Variants in ZSCAN5A observed in about 807,000 individuals in gnomAD.
ZSCAN5A encodes zinc finger and SCAN domain containing 5A.
A neutral mutation model predicts 23.7 loss-of-function variants in ZSCAN5A; 12 were observed. That is an observed-to-expected ratio of 0.51 (90% confidence interval 0.32 to 0.82). The LOEUF is 0.82. ZSCAN5A is among the 40% of genes least tolerant of loss of function. The probability of loss-of-function intolerance (pLI) is 0.03; values close to 1 mark genes in which losing one functional copy is unlikely to be tolerated. For synonymous variants in ZSCAN5A, 257 were observed against 239.9 expected (o/e 1.07, Z -0.66); for missense variants, 597 against 617.9 (o/e 0.97, Z 0.36).
chr19:56,342,228 AAC>A (rs1213592179), intron 2 of ZSCAN5A, among the ~76,000 whole-genome samples: 1 of 152,032 alleles, frequency 6.6e-6, no homozygotes. Flanking sequence ...TTTCTTAAAC[AAC>A]TAGTCATTTT....
At chr19:56,271,057 A>T (rs2037812087) in intron 2 of ZSCAN5A, among the ~76,000 whole-genome samples, 1 of 152,262 alleles carries the variant, frequency 6.6e-6, no homozygotes, top group Admixed American at 6.5e-5. Flanking sequence ...CCCTAGTGTT[A>T]TGAGTTAGGG....
chr19:56,292,694 A>C (rs1398193831), intron 2 of ZSCAN5A, among the ~76,000 whole-genome samples: 1 of 152,090 alleles, frequency 6.6e-6, no homozygotes, highest in Non-Finnish European at 1.5e-5. Context: ...ACCAAAAAAA[A>C]AGTACCCATT....
At chr19:56,313,247 T>G (rs1326069074) in intron 2 of ZSCAN5A, 36 bp downstream of exon 2, 1 of 350,092 alleles carries the variant, frequency 2.9e-6, no homozygotes, top group African/African-American at 2.2e-5. Context: ...TATCCAAGAC[T>G]GGGCAATTTA....
chr19:56,264,371 G>C (rs1454850296), intron 2 of ZSCAN5A, among the ~76,000 whole-genome samples: 1 of 152,160 alleles, frequency 6.6e-6, no homozygotes, highest in Non-Finnish European at 1.5e-5. Flanking sequence ...TGACTCTCAA[G>C]CTCATGCTCA....
At chr19:56,349,845 C>T (rs968869765) in intron 2 of ZSCAN5A, among the ~76,000 whole-genome samples, 2 of 151,976 alleles carry the variant, frequency 1.3e-5, no homozygotes, top group South Asian at 4.1e-4. Context: ...CTAAACTTTC[C>T]TCTCAAAGTT....
At chr19:56,290,672 A>C (rs2039449600) in intron 2 of ZSCAN5A, among the ~76,000 whole-genome samples, 1 of 152,212 alleles carries the variant, frequency 6.6e-6, no homozygotes, top group Non-Finnish European at 1.5e-5. Context: ...CAGCCTGGGC[A>C]ACATAGGAAG....
In ZSCAN5A at chr19:56,221,699, T is replaced by C. The variant is rs2033189516; in HGVS notation, c.1367A>G (p.Lys456Arg). 1 of 1,614,124 alleles carries C rather than the reference T, an allele frequency of 6.2e-7. No homozygotes were observed. Among genetic ancestry groups the C allele is most frequent in the Non-Finnish European group, 8.5e-7 (1 of 1,180,056 alleles). ...KKVFTYRGSL[K>R]EHQRIHSGEK... ...TCCGGAGTGGATGCGCTGGTGCTCC[T>C]TCAGGCTCCCCCTGTAGGTGAAAAC... Residue 456 changes from lysine to arginine, a missense_variant, in exon 6 of 6, where the codon AAG becomes AGG. Physicochemically the swap from Lys to Arg is conservative, Grantham distance 26 (BLOSUM62 2). Around this residue, in one of 5 missense-constraint regions of ZSCAN5A, gnomAD observed 87 missense variants for 74.4 expected, o/e 1.17. Transcript: ENST00000683990.
chr19:56,311,200 T>C (rs1394491235), intron 2 of ZSCAN5A, among the ~76,000 whole-genome samples: 2 of 152,094 alleles, frequency 1.3e-5, no homozygotes, highest in Non-Finnish European at 2.9e-5. Context: ...AGCAAAATCC[T>C]CACTGCATTA....
At chr19:56,271,467 T>A (rs1035522088) in intron 2 of ZSCAN5A, among the ~76,000 whole-genome samples, 2 of 152,244 alleles carry the variant, frequency 1.3e-5, no homozygotes, top group African/African-American at 4.8e-5. Context: ...CTGCTCATTA[T>A]AACAAATCCT....
intron 2 of ZSCAN5A, among the ~76,000 whole-genome samples, chr19:56,272,145 G>A (rs1260488038): frequency 1.3e-5 from 2 of 152,168 alleles, no homozygotes; most frequent in Admixed American, 6.5e-5. Context: ...AAGTATAAAC[G>A]TAGACATCTT....
In ZSCAN5A at chr19:56,223,708, G is replaced by T. The variant is rs762366673; in HGVS notation, c.511C>A (p.Gln171Lys). 3.2e-5 allele frequency: 52 copies of T among 1,613,810 alleles called. No homozygotes were observed. Among genetic ancestry groups the T allele is most frequent in the Non-Finnish European group, 4.2e-5 (50 of 1,179,990 alleles). Residue 171 changes from glutamine to lysine, a missense_variant, in exon 4 of 6, where the codon CAG becomes AAG. Physicochemically the swap from Gln to Lys is moderately conservative, Grantham distance 53 (BLOSUM62 1). Around this residue, in one of 5 missense-constraint regions of ZSCAN5A, gnomAD observed 406 missense variants for 353.2 expected, o/e 1.15. Transcript: ENST00000683990. Reference sequence around the variant, plus strand: ...GCCTGGCCTTCCCCTGGACGCATCTGGTTCACCGAGGAGGCCCGTTGGCTG... The same window carrying T: ...GCCTGGCCTTCCCCTGGACGCATCTTGTTCACCGAGGAGGCCCGTTGGCTG... ...VSSQRASSVN[Q>K]MRPGEGQAHR... is the part of the protein sequence containing the mutation.
rs2033635621 is a variant in ZSCAN5A, at chr19:56,224,082, C to T, written c.385-248G>A. On this transcript the variant is annotated intron_variant, in intron 3 of 5. Transcript: ENST00000683990. ...ACATGGGTCCTTTAGATGAAATAGT[C>T]TCTAAACCAAAGAGAAGACAAGGAG... Among the ~76,000 whole-genome samples the T allele has an allele frequency of 4.0e-5, 6 of 151,758 alleles. 1 individual carries two copies. The South Asian group carries it at 1.2e-3, about 31-fold the overall frequency.
intron 2 of ZSCAN5A, among the ~76,000 whole-genome samples, chr19:56,281,503 A>G (rs1043810553): frequency 1.3e-5 from 2 of 152,216 alleles, no homozygotes; most frequent in Non-Finnish European, 2.9e-5. Flanking sequence ...TTATGTGACA[A>G]ACTACATAAA....
chr19:56,241,934 C>G (rs542542687), intron 2 of ZSCAN5A, among the ~76,000 whole-genome samples: 4 of 152,082 alleles, frequency 2.6e-5, no homozygotes, highest in Non-Finnish European at 5.9e-5. Flanking sequence ...TGACTCAACC[C>G]GTCACCCAGG....
chr19:56,332,208 A>T (rs35638120), intron 2 of ZSCAN5A, among the ~76,000 whole-genome samples: 3 of 152,030 alleles, frequency 2.0e-5, no homozygotes, highest in Non-Finnish European at 4.4e-5. Context: ...ATTTAAGTCC[A>T]GGTTTCTTTG....
chr19:56,231,058 C>A (rs953616553), intron 2 of ZSCAN5A, among the ~76,000 whole-genome samples: 1 of 152,092 alleles, frequency 6.6e-6, no homozygotes, highest in Non-Finnish European at 1.5e-5. Flanking sequence ...CAAAAAAACA[C>A]GAAAGTTCAC....
chr19:56,245,428 G>T, intron 2 of ZSCAN5A: 2 of 669,390 alleles, frequency 3.0e-6, no homozygotes, highest in Non-Finnish European at 5.5e-6. Flanking sequence ...GAAGGCAGGT[G>T]AGTGTGTGAG....
rs764198709 is a variant in ZSCAN5A at position 56,221,942 on chromosome 19, T to A, written c.1124A>T (p.Lys375Met). ...FTCNSKLVIH[K>M]RSHTGERLFQ... ...GAGTCTCTCGCCTGTGTGTGATCTC[T>A]TGTGGATGACTAGCTTGGAATTACA... Residue 375 changes from lysine to methionine, a missense_variant, in exon 6 of 6, where the codon AAG (lysine) becomes ATG (methionine). Around this residue, in one of 5 missense-constraint regions of ZSCAN5A, gnomAD observed 406 missense variants for 353.2 expected, o/e 1.15. Transcript: ENST00000683990. The A allele has an allele frequency of 1.1e-5, 18 of 1,613,986 alleles. No individual in the cohort carries two copies. The highest frequency in any genetic ancestry group is 1.7e-5 in the Admixed American group (1 of 60,006).
intron 2 of ZSCAN5A, among the ~76,000 whole-genome samples, chr19:56,247,937 GC>G (rs1415400542): frequency 6.6e-6 from 1 of 152,134 alleles, no homozygotes; most frequent in Non-Finnish European, 1.5e-5. Context: ...TGATCCGCCC[GC>G]CTCACCCTCC....
Sources: allele counts gnomAD v4.1 joint callset (sites outside exome capture counted in the v4.1 genomes callset), GRCh38; gene constraint gnomAD v4.1.1; regional missense constraint gnomAD v4.1.1; transcripts MANE v1.5; gene names NCBI Gene and HGNC (gene_info 2026-07-23, HGNC 2026-07-21).